Variants in GPHN observed in about 807,000 individuals in gnomAD.
The protein encoded by GPHN is gephyrin.
A neutral mutation model predicts 95.5 loss-of-function variants in GPHN; 17 were observed. That is an observed-to-expected ratio of 0.18 (90% CI 0.12 to 0.27). The LOEUF (loss-of-function observed/expected upper bound fraction) is 0.27, where lower values mean the gene tolerates loss of function less well. Ranked by LOEUF, GPHN falls within the 10% of genes least tolerant of loss-of-function variation. The probability of loss-of-function intolerance (pLI) is 1.00; values close to 1 mark genes in which losing one functional copy is unlikely to be tolerated. For synonymous variants in GPHN, 320 were observed against 322.5 expected, an observed-to-expected ratio of 0.99 and a Z score of 0.08; for missense variants, 660 against 978.1, an observed-to-expected ratio of 0.67 and a Z score of 4.34.
chr14:66,530,741 G>T (rs1330689920), intron 1 of GPHN, among the ~76,000 whole-genome samples: 1 of 151,988 alleles, frequency 6.6e-6, no homozygotes, highest in African/African-American at 2.4e-5. Context: ...TGCTTCCTGG[G>T]TGAGGCAATG....
At chr14:67,643,716 T>C in the GPHN span, among the ~76,000 whole-genome samples, 1 of 152,030 alleles carries the variant, frequency 6.6e-6, no homozygotes, top group Non-Finnish European at 1.5e-5. Flanking sequence ...AACCAGGAAA[T>C]AGAGCTGGGA....
the GPHN span, among the ~76,000 whole-genome samples, chr14:67,226,691 A>G: frequency 6.6e-6 from 1 of 152,182 alleles, no homozygotes; most frequent in African/African-American, 2.4e-5. Context: ...GGGCCCCCCA[A>G]GATGCACACT....
chr14:67,066,727 T>C (rs1221535203), intron 11 of GPHN, among the ~76,000 whole-genome samples: 2 of 152,230 alleles, frequency 1.3e-5, no homozygotes, highest in Non-Finnish European at 2.9e-5. Context: ...AATTTGCTAT[T>C]GAAGCTAGTG....
chr14:66,751,619 A>G (rs2058366683), intron 2 of GPHN, among the ~76,000 whole-genome samples: 1 of 151,940 alleles, frequency 6.6e-6, no homozygotes, highest in Admixed American at 6.6e-5. Context: ...AGTTTGCAAA[A>G]ATTTTCTCCC....
chr14:67,340,119 T>A, the GPHN span: 1 of 237,930 alleles, frequency 4.2e-6, no homozygotes, highest in East Asian at 8.4e-5. Flanking sequence ...CAGTTACAGA[T>A]CAAACTCCTT....
chr14:67,654,966 T>C, the GPHN span, among the ~76,000 whole-genome samples: 1 of 145,474 alleles, frequency 6.9e-6, no homozygotes, highest in Non-Finnish European at 1.5e-5. Context: ...GAGGCGGAGC[T>C]TGCAGCGAGC....
intron 8 of GPHN, among the ~76,000 whole-genome samples, chr14:66,932,735 A>G (rs539423377): frequency 1.4e-4 from 21 of 151,086 alleles, no homozygotes; most frequent in Non-Finnish European, 2.7e-4. Context: ...TTTAGTCACC[A>G]CTGGTGAGTC....
chr14:67,546,232 G>A, the GPHN span, among the ~76,000 whole-genome samples: 1 of 152,118 alleles, frequency 6.6e-6, no homozygotes. Context: ...ATTATGCAGG[G>A]CTTCAACTAT....
At chr14:66,668,060 T>C (rs1347881700) in intron 1 of GPHN, among the ~76,000 whole-genome samples, 1 of 152,116 alleles carries the variant, frequency 6.6e-6, no homozygotes, top group Non-Finnish European at 1.5e-5. Flanking sequence ...ATTAGAGAAA[T>C]GCAAATCAAA....
At chr14:67,070,550 G>C (rs2076246489) in intron 11 of GPHN, among the ~76,000 whole-genome samples, 1 of 149,614 alleles carries the variant, frequency 6.7e-6, no homozygotes, top group African/African-American at 2.5e-5. Flanking sequence ...ACAAAAATTA[G>C]CTGGGTGTGG....
the GPHN span, among the ~76,000 whole-genome samples, chr14:67,463,638 C>CAAAA: frequency 3.6e-5 from 2 of 54,864 alleles, no homozygotes; most frequent in Non-Finnish European, 7.0e-5. Flanking sequence ...GACTCCGTCT[C>CAAAA]AAAAAAAAAA....
At chr14:67,262,491 A>G in the GPHN span, among the ~76,000 whole-genome samples, 1 of 152,094 alleles carries the variant, frequency 6.6e-6, no homozygotes, top group African/African-American at 2.4e-5. Flanking sequence ...AATCCTGTGA[A>G]ATCATTCTTT....
the GPHN span, among the ~76,000 whole-genome samples, chr14:67,426,956 C>T: frequency 2.6e-5 from 4 of 152,162 alleles, no homozygotes; most frequent in Admixed American, 1.3e-4. Context: ...GTCACCTAGT[C>T]CTCCCCAGGC....
intron 17 of GPHN, among the ~76,000 whole-genome samples, chr14:67,123,820 T>A: frequency 6.6e-6 from 1 of 152,124 alleles, no homozygotes; most frequent in East Asian, 1.9e-4. Context: ...TTTTTTTTTT[T>A]AGCTCATTAG....
the GPHN span, among the ~76,000 whole-genome samples, chr14:67,656,036 A>G: frequency 6.6e-6 from 1 of 152,158 alleles, no homozygotes; most frequent in Admixed American, 6.5e-5. Context: ...ACCTGAAGTT[A>G]GGAGTTCGAG....
rs559726782 is a variant in GPHN at position 66,566,981 on chromosome 14, C to T, written c.64+58390C>T. On this transcript the variant is annotated intron_variant, in intron 1 of 22. Coordinates refer to ENST00000478722, the MANE Select transcript of GPHN (RefSeq NM_020806.5). The stretch of plus-strand genomic sequence containing the variant: ...GTGGCAGGTTAGGTTGTCTTTAAAA[C>T]AGTGTGGTTGGCACTATGTTTTAAA... Among the ~76,000 whole-genome samples, 8 of 152,236 alleles carry T rather than the reference C, an allele frequency of 5.3e-5. No individual in the cohort carries two copies. The South Asian group carries it at 1.7e-3, about 32-fold the overall frequency.
chr14:66,684,472 T>G (rs2067205050), intron 2 of GPHN, among the ~76,000 whole-genome samples: 1 of 152,182 alleles, frequency 6.6e-6, no homozygotes, highest in African/African-American at 2.4e-5. Context: ...AGGGGCTTAC[T>G]GCATCAGAGA....
the GPHN span, among the ~76,000 whole-genome samples, chr14:67,240,090 G>A: frequency 6.6e-6 from 1 of 152,268 alleles, no homozygotes; most frequent in East Asian, 1.9e-4. Flanking sequence ...TTGATGGCAG[G>A]AGCATTAAGG....
At chr14:66,588,880 G>C (rs1261585025) in intron 1 of GPHN, among the ~76,000 whole-genome samples, 1 of 151,966 alleles carries the variant, frequency 6.6e-6, no homozygotes, top group African/African-American at 2.4e-5. Flanking sequence ...GGAATACAGA[G>C]AACACCACAA....
Sources: allele counts gnomAD v4.1 joint callset (sites outside exome capture counted in the v4.1 genomes callset), GRCh38; gene constraint gnomAD v4.1.1; transcripts MANE v1.5; gene names NCBI Gene and HGNC (gene_info 2026-07-23, HGNC 2026-07-21).